TRPM6: variants seen among roughly 807,000 people sequenced by gnomAD.
TRPM6 encodes channel kinase 2.
TRPM6 carries 111 observed loss-of-function variants against 247.6 expected under a neutral mutation model. That is an observed-to-expected ratio of 0.45 (90% CI 0.38 to 0.52). The LOEUF is 0.52. Among genes scored for constraint, TRPM6 ranks in the 20% least tolerant of loss-of-function variants. The pLI is 0.00. For missense variants in TRPM6, 2,126 were observed against 2,421.5 expected, an observed-to-expected ratio of 0.88 and a Z score of 2.56; for synonymous variants, 892 against 853.8, an observed-to-expected ratio of 1.04 and a Z score of -0.78.
chr9:74,804,257 G>GA (rs1828454136), intron 14 of TRPM6, among the ~76,000 whole-genome samples: 1 of 152,116 alleles, frequency 6.6e-6, no homozygotes, highest in Non-Finnish European at 1.5e-5. Flanking sequence ...GTTCTGATAA[G>GA]AAAAAATTCC....
intron 4 of TRPM6, among the ~76,000 whole-genome samples, chr9:74,841,962 T>C (rs1829952361): frequency 6.6e-6 from 1 of 151,956 alleles, no homozygotes; most frequent in Non-Finnish European, 1.5e-5. Context: ...AAATACAAAA[T>C]TAGCCAGGAG....
intron 8 of TRPM6, 132 bp from the exon 9 acceptor site, chr9:74,820,559 T>C: frequency 9.0e-7 from 1 of 1,113,402 alleles, no homozygotes; most frequent in South Asian, 1.3e-5. Flanking sequence ...GAAGAGCAAA[T>C]GAGGGGGAGC....
At chr9:74,852,976 T>A (rs1209113841) in intron 3 of TRPM6, among the ~76,000 whole-genome samples, 1 of 151,712 alleles carries the variant, frequency 6.6e-6, no homozygotes, top group Non-Finnish European at 1.5e-5. Context: ...GAGGAGCCTC[T>A]CTGCCTGGCC....
At chr9:74,732,775 T>C in intron 36 of TRPM6, 39 bp from the exon 37 acceptor site, 1 of 1,426,372 alleles carries the variant, frequency 7.0e-7, no homozygotes, top group Non-Finnish European at 9.8e-7. Flanking sequence ...CAAATGGAGA[T>C]TTCATTTTCT....
At position 74,796,820 on chromosome 9, in the gene TRPM6, A is replaced by G. The variant is rs1338789134; in HGVS notation, c.2312T>C (p.Val771Ala). The change falls in exon 18 of 39, where the codon GTT becomes GCT. Residue 771 changes from valine to alanine, a missense_variant. This residue lies in a region of TRPM6 where 1,082 missense variants were observed against 1,307.9 expected (regional missense o/e 0.83). Transcript: ENST00000360774. ...EFKSKAEMSH[V>A]PQSQDFQFMW... The stretch of plus-strand genomic sequence containing the variant: ...AAATTGGAAGTCCTGGGACTGGGGA[A>G]CATGTGACATCTCAGCTTTGCTTTT... The G allele has an allele frequency of 6.2e-7, 1 of 1,613,920 alleles. No homozygotes were observed. The highest frequency in any genetic ancestry group is 8.5e-7 in the Non-Finnish European group (1 of 1,179,786).
rs550212829 is a variant in TRPM6, at chr9:74,745,063, T to C, written c.5084-918A>G. Among the ~76,000 whole-genome samples the C allele has an allele frequency of 6.6e-5, 10 of 152,366 alleles. No homozygotes were observed. In the South Asian group the frequency reaches 1.9e-3, roughly 28 times the overall value. ...TATGGGTAAGGTGTGGTTCCCACCC[T>C]ACCGAAAAGCAAATGTATTAGGAGA... On this transcript the variant is annotated intron_variant, in intron 31 of 38. Transcript: ENST00000360774.
chr9:74,874,402 C>T (rs150135080), intron 1 of TRPM6, among the ~76,000 whole-genome samples: 15 of 152,262 alleles, frequency 9.9e-5, no homozygotes, highest in African/African-American at 3.6e-4. Flanking sequence ...TGCTGGAACA[C>T]ATGATATTAA....
chr9:74,821,240 G>A (rs974030198), intron 8 of TRPM6, among the ~76,000 whole-genome samples: 4 of 152,104 alleles, frequency 2.6e-5, no homozygotes, highest in Admixed American at 2.0e-4. Flanking sequence ...AAATAAGCAC[G>A]ACATATGCTA....
At chr9:74,745,745 T>C (rs1294730338) in intron 31 of TRPM6, among the ~76,000 whole-genome samples, 1 of 151,968 alleles carries the variant, frequency 6.6e-6, no homozygotes, top group Non-Finnish European at 1.5e-5. Context: ...GGTTGAGGGG[T>C]GGCTGGAAAG....
chr9:74,839,020 G>A (rs1223438924), intron 5 of TRPM6, among the ~76,000 whole-genome samples: 1 of 150,138 alleles, frequency 6.7e-6, no homozygotes, highest in East Asian at 2.0e-4. Flanking sequence ...TGAGGCAGGA[G>A]AATCGCTTGA....
chr9:74,835,099 T>C (rs1291978526), intron 5 of TRPM6, among the ~76,000 whole-genome samples: 1 of 152,136 alleles, frequency 6.6e-6, no homozygotes, highest in Non-Finnish European at 1.5e-5. Context: ...CCAGCACCTG[T>C]TTCCTGACTT....
At chr9:74,780,725 T>A (rs1200946828) in intron 23 of TRPM6, among the ~76,000 whole-genome samples, 1 of 152,138 alleles carries the variant, frequency 6.6e-6, no homozygotes. Context: ...CAGTTATCTA[T>A]TTGAAGGTTG....
chr9:74,738,296 T>A, intron 36 of TRPM6, 111 bp downstream of exon 36: 2 of 1,084,176 alleles, frequency 1.8e-6, no homozygotes, highest in Non-Finnish European at 2.8e-6. Context: ...TGTGCCCACC[T>A]CCCTTCAAAG....
At position 74,782,525 on chromosome 9, in the gene TRPM6, C is replaced by T. The variant is rs866212735; in HGVS notation, c.3095-49G>A. 9 of 1,513,508 alleles carry T rather than the reference C, an allele frequency of 5.9e-6. 1 individual carries two copies. The highest frequency in any genetic ancestry group is 1.7e-4 in the Middle Eastern group (1 of 5,894). 93.8% of individuals were successfully genotyped at this position (1,513,508 alleles called of 1,614,324 possible). On this transcript the variant is annotated intron_variant, in intron 22 of 38. Transcript: ENST00000360774. ...AATGAAAGATAAGATGAATCACAGT[C>T]CTGCCACTCTAGACACACATTTAGC...
chr9:74,786,864 C>T (rs995930533), intron 20 of TRPM6, among the ~76,000 whole-genome samples: 1 of 152,150 alleles, frequency 6.6e-6, no homozygotes, highest in Non-Finnish European at 1.5e-5. Context: ...GTAATCCAGT[C>T]CGACTACTGC....
At chr9:74,887,732 G>A (rs1831584095) in intron 1 of TRPM6, 92 bp downstream of exon 1, 2 of 1,613,284 alleles carry the variant, frequency 1.2e-6, no homozygotes, top group East Asian at 2.2e-5. Flanking sequence ...TAGTGTCCCT[G>A]GCCCCACCCA....
chr9:74,744,074 C>G (rs185242812), intron 32 of TRPM6, 21 bp downstream of exon 32: 1 of 1,612,198 alleles, frequency 6.2e-7, no homozygotes, highest in African/African-American at 1.3e-5. Flanking sequence ...GCTGACATGT[C>G]TATGTGCATA....
intron 6 of TRPM6, among the ~76,000 whole-genome samples, chr9:74,830,558 C>T (rs894724632): frequency 2.0e-5 from 3 of 151,610 alleles, no homozygotes; most frequent in Non-Finnish European, 2.9e-5. Flanking sequence ...GCCATGCTGG[C>T]TATTTTTGTT....
In TRPM6 at chr9:74,792,820, A is replaced by G. The variant is rs7858755; in HGVS notation, c.2392-50T>C. ...TTCTTGTCAGCAGCTTAACTAAAATAGTGACAAGCATGAACATCCAAAAAA... is the reference window on the plus strand; with the variant it reads ...TTCTTGTCAGCAGCTTAACTAAAATGGTGACAAGCATGAACATCCAAAAAA... On this transcript the variant is annotated intron_variant, in intron 18 of 38. Transcript: ENST00000360774. 409,890 of 1,552,160 alleles carry G rather than the reference A, an allele frequency of 0.26. 55,231 individuals carry two copies. Among genetic ancestry groups the G allele is most frequent in the African/African-American group, 0.33 (23,895 of 73,474 alleles).
Sources: gnomAD v4.1 joint callset for allele counts (sites outside exome capture counted in the v4.1 genomes callset) on GRCh38, gnomAD v4.1.1 for gene constraint, gnomAD v4.1.1 regional missense constraint, MANE v1.5 for transcripts, NCBI Gene and HGNC (gene_info 2026-07-23, HGNC 2026-07-21) for gene names.